Variants in RAB2B observed in about 807,000 individuals in gnomAD.
RAB2B encodes ras-related protein Rab-2B.
Under a neutral mutation model 29.8 loss-of-function variants are expected in RAB2B, and 20 were observed. The observed-to-expected ratio is 0.67, with a 90% CI of 0.47 to 0.97. The LOEUF (loss-of-function observed/expected upper bound fraction) is 0.97, where lower values mean the gene tolerates loss of function less well. RAB2B is among the 50% of genes least tolerant of loss of function. The pLI is 0.00. For synonymous variants in RAB2B, 93 were observed against 91.7 expected (o/e 1.01, Z -0.08); for missense variants, 218 against 272.0 (o/e 0.80, Z 1.40).
chr14:21,473,990 C>A (rs947215777), intron 3 of RAB2B, among the ~76,000 whole-genome samples: 3 of 151,822 alleles, frequency 2.0e-5, no homozygotes, highest in Non-Finnish European at 2.9e-5. Context: ...CCAGCCTGGG[C>A]AACAGAGTAA....
At chr14:21,467,359 A>T (rs755156304) in intron 5 of RAB2B, among the ~76,000 whole-genome samples, 2 of 152,126 alleles carry the variant, frequency 1.3e-5, no homozygotes, top group Non-Finnish European at 2.9e-5. Flanking sequence ...AGGTCTCACT[A>T]TGTTGCCCAG....
At chr14:21,476,313 ACT>A (rs1415185951) in intron 2 of RAB2B, 2 of 560,598 alleles carry the variant, frequency 3.6e-6, no homozygotes, top group Non-Finnish European at 6.3e-6. Context: ...TATACCTCAC[ACT>A]CTAAAAAGTT....
intron 5 of RAB2B, among the ~76,000 whole-genome samples, chr14:21,466,306 G>C (rs966098225): frequency 6.6e-6 from 1 of 152,132 alleles, no homozygotes. Context: ...TCAACATGGA[G>C]AAACCCCGTC....
Position 21,462,805 on chromosome 14 carries a change from T to C in RAB2B, c.475-387A>G, listed in dbSNP as rs144731073. 0.013 allele frequency among the ~76,000 whole-genome samples: 1,751 copies of C among 133,756 alleles called. 136 individuals carry two copies. The Admixed American group carries it at 0.13, about 10-fold the overall frequency. The allele number at this position is 133,756 out of a possible 152,430, so 87.7% of individuals were successfully genotyped here. On this transcript the variant is annotated intron_variant, in intron 6 of 7. Transcript: ENST00000397762. ...GTGAGCTGAGATCGCACCACTGCACTCCAGCCTGGGTGACAGAACGAGACT... is the reference window on the plus strand; with the variant it reads ...GTGAGCTGAGATCGCACCACTGCACCCCAGCCTGGGTGACAGAACGAGACT...
intron 3 of RAB2B, among the ~76,000 whole-genome samples, chr14:21,472,836 A>C (rs1222939160): frequency 2.0e-5 from 3 of 151,850 alleles, no homozygotes; most frequent in Non-Finnish European, 2.9e-5. Context: ...AAAAAAAAAA[A>C]AGGCCATTGC....
At position 21,476,561 on chromosome 14, in the gene RAB2B, T is replaced by G. The variant is rs775289828; in HGVS notation, c.85A>C (p.Lys29Gln). The G allele has an allele frequency of 3.7e-6, 6 of 1,613,600 alleles. No homozygotes were observed. ...AGGTCGTGGACAGGCTGGAACCGCT[T>G]ATCTGTAAACTGCAGGAGGAGACAT... ...KSCLLLQFTD[K>Q]RFQPVHDLTI... Residue 29 changes from lysine to glutamine, a missense_variant, in exon 2 of 8, where the codon AAG (lysine) becomes CAG (glutamine). Coordinates refer to ENST00000397762, the MANE Select transcript of RAB2B (RefSeq NM_032846.4).
At chr14:21,462,248 G>T in intron 7 of RAB2B, 102 bp downstream of exon 7, 213 of 762,490 alleles carry the variant, frequency 2.8e-4, no homozygotes, top group Middle Eastern at 5.3e-4. Context: ...CTTTTAAATT[G>T]TATAATGATA....
chr14:21,464,646 A>G (rs989790550), intron 5 of RAB2B, among the ~76,000 whole-genome samples: 6 of 152,184 alleles, frequency 3.9e-5, no homozygotes, highest in Admixed American at 2.6e-4. Flanking sequence ...GAAAAAAAAG[A>G]TAAGAGCTAA....
intron 3 of RAB2B, among the ~76,000 whole-genome samples, chr14:21,472,667 C>T (rs1340209120): frequency 6.6e-6 from 1 of 152,162 alleles, no homozygotes; most frequent in African/African-American, 2.4e-5. Context: ...AAGAACTAGG[C>T]CAGTTGGATG....
chr14:21,461,699 GC>G (rs1472107758), intron 7 of RAB2B, among the ~76,000 whole-genome samples: 1 of 152,136 alleles, frequency 6.6e-6, no homozygotes, highest in African/African-American at 2.4e-5. Flanking sequence ...TCCTGCCTCA[GC>G]CTCCCAAGTA....
In RAB2B at chr14:21,468,528, G is replaced by A. The variant is rs2139600032; in HGVS notation, c.270-79C>T. On this transcript the variant is annotated intron_variant, in intron 4 of 7. Coordinates refer to ENST00000397762, the MANE Select transcript of RAB2B (RefSeq NM_032846.4). Reference sequence around the variant, plus strand: ...ACAACTCCAAGCGTATACGAAAAGAGGGGAAGCCATACGTGTAAAGAAAAA... The same window carrying A: ...ACAACTCCAAGCGTATACGAAAAGAAGGGAAGCCATACGTGTAAAGAAAAA... 3.6e-6 allele frequency: 5 copies of A among 1,396,920 alleles called. 1 individual carries two copies. In the Admixed American group the frequency reaches 8.8e-5, roughly 25 times the overall value. The allele number at this position is 1,396,920 out of a possible 1,614,324, so 86.5% of individuals were successfully genotyped here. A position where few individuals can be genotyped will look rare whatever the true frequency, so the allele number is the denominator to read the frequency against.
At chr14:21,462,520 T>C in intron 6 of RAB2B, 102 bp from the exon 7 acceptor site, 1 of 1,142,476 alleles carries the variant, frequency 8.8e-7, no homozygotes, top group South Asian at 1.5e-5. Flanking sequence ...TAAGGTGAAT[T>C]AGGAACCATT....
At chr14:21,462,837 A>T (rs1416693648) in intron 6 of RAB2B, among the ~76,000 whole-genome samples, 11 of 88,600 alleles carry the variant, frequency 1.2e-4, no homozygotes, top group African/African-American at 2.9e-4. Flanking sequence ...GACTCAGTCT[A>T]AAAAAAAAAA....
chr14:21,474,354 G>A (rs1191019105), intron 3 of RAB2B, among the ~76,000 whole-genome samples: 1 of 152,174 alleles, frequency 6.6e-6, no homozygotes, highest in Non-Finnish European at 1.5e-5. Context: ...GATATGGAAA[G>A]GTCCCCACAA....
chr14:21,469,265 A>G (rs1469192309), intron 3 of RAB2B, among the ~76,000 whole-genome samples: 1 of 152,166 alleles, frequency 6.6e-6, no homozygotes, highest in Non-Finnish European at 1.5e-5. Flanking sequence ...GTCTAATAGA[A>G]ATTTCATTCC....
intron 3 of RAB2B, among the ~76,000 whole-genome samples, chr14:21,472,470 G>C (rs1280506490): frequency 6.6e-6 from 1 of 152,176 alleles, no homozygotes; most frequent in Non-Finnish European, 1.5e-5. Context: ...ATGGGCAGGA[G>C]ATCAGGGCTG....
intron 3 of RAB2B, among the ~76,000 whole-genome samples, chr14:21,469,063 G>A (rs1215406609): frequency 2.7e-5 from 4 of 149,778 alleles, no homozygotes; most frequent in African/African-American, 7.4e-5. Context: ...CAGTCAGCAC[G>A]ATAAAGACGA....
Position 21,476,891 on chromosome 14 carries a change from T to C in RAB2B, c.-19A>G, listed in dbSNP as rs1890991069. 1.9e-6 allele frequency: 3 copies of C among 1,612,918 alleles called. No individual in the cohort carries two copies. Among genetic ancestry groups the C allele is most frequent in the Non-Finnish European group, 2.5e-6 (3 of 1,179,974 alleles). ...AAGTCATGGTGTCGCGTCCTCTGGG[T>C]TCCGGGTCCGCCCGACTTCTATAGC... On this transcript the variant is annotated 5_prime_UTR_variant, in exon 1 of 8. Coordinates refer to ENST00000397762, the MANE Select transcript of RAB2B (RefSeq NM_032846.4).
intron 2 of RAB2B, among the ~76,000 whole-genome samples, chr14:21,475,803 G>A (rs1890940404): frequency 6.6e-6 from 1 of 152,174 alleles, no homozygotes; most frequent in African/African-American, 2.4e-5. Context: ...TAGGAACAGT[G>A]GTAGCTTCAG....
Sources: gnomAD v4.1 joint callset for allele counts (sites outside exome capture counted in the v4.1 genomes callset) on GRCh38, gnomAD v4.1.1 for gene constraint, MANE v1.5 for transcripts, NCBI Gene and HGNC (gene_info 2026-07-23, HGNC 2026-07-21) for gene names.